FER: variants seen among roughly 807,000 people sequenced by gnomAD.
FER encodes FER tyrosine kinase, also known as tyrosine-protein kinase Fer.
Under a neutral mutation model 111.0 loss-of-function variants are expected in FER, and 63 were observed. The observed-to-expected ratio is 0.57, with a 90% CI of 0.46 to 0.70. The LOEUF is 0.70. Ranked by LOEUF, FER falls within the 30% of genes least tolerant of loss-of-function variation. FER has a pLI of 0.00. For synonymous variants in FER, 327 were observed against 313.9 expected, an observed-to-expected ratio of 1.04 and a Z score of -0.44; for missense variants, 914 against 954.0, an observed-to-expected ratio of 0.96 and a Z score of 0.55.
At chr5:108,979,207 A>T (rs992890445) in intron 13 of FER, among the ~76,000 whole-genome samples, 9 of 152,126 alleles carry the variant, frequency 5.9e-5, no homozygotes, top group African/African-American at 2.2e-4. Context: ...GTTCTTCCTG[A>T]TTATTTCCTG....
At chr5:108,934,500 C>G (rs1349232677) in intron 10 of FER, among the ~76,000 whole-genome samples, 1 of 151,878 alleles carries the variant, frequency 6.6e-6, no homozygotes, top group African/African-American at 2.4e-5. Context: ...GTATATTGAC[C>G]AACTTATTTT....
At chr5:109,112,594 A>T (rs1169752920) in intron 17 of FER, among the ~76,000 whole-genome samples, 2 of 152,058 alleles carry the variant, frequency 1.3e-5, no homozygotes, top group African/African-American at 4.8e-5. Flanking sequence ...TCTTTTTCAT[A>T]TTTCCATCTT....
At chr5:109,120,936 G>T (rs1354874118) in intron 17 of FER, among the ~76,000 whole-genome samples, 1 of 152,000 alleles carries the variant, frequency 6.6e-6, no homozygotes, top group African/African-American at 2.4e-5. Context: ...ATTTGTGTAT[G>T]TTGATTTTGT....
In FER at chr5:109,190,525, CT is replaced by C. The variant is rs1442754788; in HGVS notation, c.*2951del. On this transcript the variant is annotated 3_prime_UTR_variant, in exon 20 of 20. Transcript: ENST00000281092. ...ATTTCACAAGGAAAGAAATTTTTCA[CT>C]GTTAAATTAACATTTATTACCAACA... 2.0e-5 allele frequency: 3 copies of C among 152,122 alleles called. No homozygotes were observed. Among genetic ancestry groups the C allele is most frequent in the African/African-American group, 7.2e-5 (3 of 41,416 alleles). The allele number at this position is 152,122 out of a possible 1,614,324, so 9.4% of individuals were successfully genotyped here.
chr5:108,964,319 C>T (rs896595889), intron 13 of FER, among the ~76,000 whole-genome samples: 2 of 152,066 alleles, frequency 1.3e-5, no homozygotes, highest in African/African-American at 4.8e-5. Context: ...AGAAAGCCTC[C>T]TAATGAATTT....
intron 10 of FER, among the ~76,000 whole-genome samples, chr5:108,898,278 T>G (rs111811565): frequency 5.8e-4 from 88 of 152,224 alleles, no homozygotes; most frequent in African/African-American, 1.7e-3. Context: ...AGTTTAAGAA[T>G]TTTTTTTCTG....
At chr5:108,980,258 C>G (rs1761879412) in intron 13 of FER, among the ~76,000 whole-genome samples, 1 of 151,938 alleles carries the variant, frequency 6.6e-6, no homozygotes, top group Admixed American at 6.6e-5. Flanking sequence ...TACCATGCCT[C>G]TATGTATAAA....
chr5:109,170,187 T>C (rs1447872971), intron 17 of FER, among the ~76,000 whole-genome samples: 1 of 152,132 alleles, frequency 6.6e-6, no homozygotes, highest in African/African-American at 2.4e-5. Flanking sequence ...GGAATTGTTA[T>C]ATGCCCTTAT....
intron 13 of FER, among the ~76,000 whole-genome samples, chr5:108,964,551 A>G (rs977265020): frequency 5.3e-5 from 8 of 152,294 alleles, no homozygotes; most frequent in African/African-American, 1.2e-4. Context: ...TACAGAGGTT[A>G]GTATGGCTGA....
chr5:109,191,406 A>T lies in FER; in HGVS notation c.*3831A>T, dbSNP rs76885502. ...GCCCTCTTCTTTTTACGTATACTCC[A>T]TTTATCATTGATATTTTAGATGTTT... On this transcript the variant is annotated 3_prime_UTR_variant, in exon 20 of 20. Transcript: ENST00000281092. 3.9e-5 allele frequency: 6 copies of T among 151,968 alleles called. No homozygotes were observed. The highest frequency in any genetic ancestry group is 7.4e-5 in the Non-Finnish European group (5 of 67,978). The allele number at this position is 151,968 out of a possible 1,614,324, so 9.4% of individuals were successfully genotyped here. A position where few individuals can be genotyped will look rare whatever the true frequency, so the allele number is the denominator to read the frequency against.
chr5:109,150,193 T>C (rs1209559723), intron 17 of FER, among the ~76,000 whole-genome samples: 2 of 152,100 alleles, frequency 1.3e-5, no homozygotes, highest in Non-Finnish European at 2.9e-5. Context: ...TTGGCTCTCA[T>C]TTTCTCTAAG....
chr5:108,907,772 C>T (rs1165538999), intron 10 of FER, among the ~76,000 whole-genome samples: 1 of 152,052 alleles, frequency 6.6e-6, no homozygotes, highest in Non-Finnish European at 1.5e-5. Flanking sequence ...ATTAATATTC[C>T]TTAGGCTTCA....
At chr5:108,889,678 T>C (rs890665941) in intron 9 of FER, among the ~76,000 whole-genome samples, 6 of 151,930 alleles carry the variant, frequency 3.9e-5, no homozygotes, top group African/African-American at 1.4e-4. Context: ...TAGGATAGTT[T>C]ATAACACAAA....
At position 108,792,026 on chromosome 5, in the gene FER, A is replaced by G. The variant is rs1366437299; in HGVS notation, c.-59-6098A>G. 5.3e-5 allele frequency among the ~76,000 whole-genome samples: 8 copies of G among 152,346 alleles called. No individual in the cohort carries two copies. The South Asian group carries it at 1.2e-3, about 24-fold the overall frequency. On this transcript the variant is annotated intron_variant, in intron 2 of 19. Coordinates refer to ENST00000281092, the MANE Select transcript of FER (RefSeq NM_005246.4). ...GATTTGCATTTGGCCCCTCTAGTCT[A>G]TTCCATTGATTTCTATGTTTATCCA...
intron 17 of FER, among the ~76,000 whole-genome samples, chr5:109,146,159 A>G (rs139670539): frequency 4.1e-5 from 5 of 121,286 alleles, no homozygotes; most frequent in African/African-American, 1.5e-4. Flanking sequence ...GGACTGATAG[A>G]ATTACAGAAT....
At chr5:108,753,696 G>A (rs954002673) in intron 1 of FER, among the ~76,000 whole-genome samples, 1 of 152,022 alleles carries the variant, frequency 6.6e-6, no homozygotes, top group Non-Finnish European at 1.5e-5. Flanking sequence ...CTACTGAAAC[G>A]TATGATTATT....
intron 17 of FER, among the ~76,000 whole-genome samples, chr5:109,122,751 G>A (rs1363310121): frequency 1.3e-5 from 2 of 152,106 alleles, no homozygotes; most frequent in Non-Finnish European, 2.9e-5. Context: ...GTGCTCAAGT[G>A]TTGGGTGCAT....
At chr5:108,867,089 T>TATGTAACTTTGTTCTTTCC (rs1407250259) in intron 5 of FER, among the ~76,000 whole-genome samples, 12 of 152,248 alleles carry the variant, frequency 7.9e-5, no homozygotes, top group African/African-American at 2.9e-4. Context: ...AGCTTATCTC[T>TATGTAACTTTGTTCTTTCC]ATGTAACTTT....
chr5:109,038,291 CA>C (rs1166266299), intron 14 of FER, among the ~76,000 whole-genome samples: 3 of 151,572 alleles, frequency 2.0e-5, no homozygotes, highest in African/African-American at 7.3e-5. Context: ...TGGTGTGATA[CA>C]AAAAATAGTT....
Sources: gnomAD v4.1 joint callset for allele counts (sites outside exome capture counted in the v4.1 genomes callset) on GRCh38, gnomAD v4.1.1 for gene constraint, MANE v1.5 for transcripts, NCBI Gene and HGNC (gene_info 2026-07-23, HGNC 2026-07-21) for gene names.